Variants in CEP295 observed in about 807,000 individuals in gnomAD.
CEP295 encodes the protein centrosomal protein of 295 kDa.
A neutral mutation model predicts 291.6 loss-of-function variants in CEP295; 190 were observed. The observed-to-expected ratio is 0.65, with a 90% confidence interval of 0.58 to 0.73. The LOEUF (loss-of-function observed/expected upper bound fraction) is 0.73, where lower values mean the gene tolerates loss of function less well. CEP295 is among the 30% of genes least tolerant of loss of function. The pLI is 0.00. For missense variants in CEP295, 2,863 were observed against 2,949.4 expected (o/e 0.97, Z 0.68); for synonymous variants, 993 against 1,038.8 (o/e 0.96, Z 0.85).
Position 93,699,478 on chromosome 11 carries a change from A to G in CEP295, c.4566A>G (p.Ile1522Met). 1 of 1,551,776 alleles carries G rather than the reference A, an allele frequency of 6.4e-7. No homozygotes were observed. The change falls in exon 15 of 30, where the codon ATA (isoleucine) becomes ATG (methionine). Residue 1522 changes from isoleucine (I) to methionine (M), a missense_variant. This residue lies in a region of CEP295 where 2,295 missense variants were observed against 2,335.7 expected (regional missense o/e 0.98). Coordinates refer to ENST00000325212, the MANE Select transcript of CEP295 (RefSeq NM_033395.2). ...LDTQKKAIRS[I>M]QEVQEELLLQ... The stretch of plus-strand genomic sequence containing the variant: ...CACAGAAGAAAGCCATTCGATCTAT[A>G]CAGGAAGTCCAAGAAGAATTGCTTT...
chr11:93,698,338 C>T lies in CEP295; in HGVS notation c.3426C>T (p.Ile1142=). Residue 1142 remains isoleucine (I), a synonymous_variant, in exon 15 of 30, where the codon ATC becomes ATT. Transcript: ENST00000325212. ...ENVGPSCHLI[I]PTFQDKSLSF... ...TAGGTCCCTCCTGTCATTTGATAATCCCAACATTTCAGGATAAGTCTCTTA... is the reference window on the plus strand; with the variant it reads ...TAGGTCCCTCCTGTCATTTGATAATTCCAACATTTCAGGATAAGTCTCTTA... The T allele has an allele frequency of 1.3e-6, 2 of 1,552,076 alleles. No individual in the cohort carries two copies. Among genetic ancestry groups the T allele is most frequent in the Non-Finnish European group, 1.7e-6 (2 of 1,147,044 alleles).
chr11:93,695,399 C>G (rs1207096057), intron 12 of CEP295, 98 bp from the exon 13 acceptor site: 1 of 760,272 alleles, frequency 1.3e-6, no homozygotes, highest in Non-Finnish European at 1.9e-6. Context: ...AATTGGTACC[C>G]TTGGTGAAGA....
Position 93,706,869 on chromosome 11 carries a change from T to C in CEP295, c.5721T>C (p.Asn1907=), listed in dbSNP as rs1251459409. The stretch of plus-strand genomic sequence containing the variant: ...GTCTTCAACTGGTTGGCCAAGAGAA[T>C]GTCTGTGGTGATGACTATGATGAAG... ...FSCLQLVGQE[N]VCGDDYDEAV... Residue 1907 remains asparagine (N), a synonymous_variant, in exon 18 of 30, where the codon AAT becomes AAC. Transcript: ENST00000325212. The C allele has an allele frequency of 1.4e-5, 22 of 1,546,100 alleles. No homozygotes were observed. The highest frequency in any genetic ancestry group is 1.6e-5 in the Non-Finnish European group (18 of 1,144,130).
intron 5 of CEP295, among the ~76,000 whole-genome samples, chr11:93,671,516 T>C (rs1238194977): frequency 6.6e-6 from 1 of 152,216 alleles, no homozygotes; most frequent in East Asian, 1.9e-4. Flanking sequence ...CTGTCCCGTA[T>C]CTGGTATCTC....
chr11:93,703,109 G>A (rs6483261), intron 17 of CEP295, among the ~76,000 whole-genome samples, 190 bp downstream of exon 17: 59,062 of 151,610 alleles, frequency 0.39, 13,051 homozygotes, highest in Non-Finnish European at 0.49. Flanking sequence ...GATTACAGGC[G>A]CCCGCCACCA....
rs150870115 is a variant in CEP295 at position 93,662,233 on chromosome 11, C to G, written c.-27+459C>G. On this transcript the variant is annotated intron_variant, in intron 1 of 29. Coordinates refer to ENST00000325212, the MANE Select transcript of CEP295 (RefSeq NM_033395.2). ...TTATTCAATCCTGTCACAAACTCAACTTTTAAAACAATGGTGAACTTTTGA... is the reference window on the plus strand; with the variant it reads ...TTATTCAATCCTGTCACAAACTCAAGTTTTAAAACAATGGTGAACTTTTGA... Among the ~76,000 whole-genome samples the G allele has an allele frequency of 1.9e-4, 29 of 152,370 alleles. No homozygotes were observed. In the East Asian group the frequency reaches 3.9e-3, roughly 20 times the overall value.
Position 93,723,195 on chromosome 11 carries a change from G to A in CEP295, c.6102G>A (p.Val2034=). 6.4e-7 allele frequency: 1 copy of A among 1,551,878 alleles called. No homozygotes were observed. Among genetic ancestry groups the A allele is most frequent in the Non-Finnish European group, 8.7e-7 (1 of 1,146,988 alleles). ...TTCATAAATCTCTGTTGCCTGCAGT[G>A]GATGAAACTACATGTGGTCACACAC... ...SDVHKSLLPA[V]DETTCGHTHF... Residue 2034 remains valine (V), a synonymous_variant, in exon 21 of 30, where the codon GTG becomes GTA. Coordinates refer to ENST00000325212, the MANE Select transcript of CEP295 (RefSeq NM_033395.2).
At chr11:93,702,082 C>T (rs2135146826) in intron 15 of CEP295, among the ~76,000 whole-genome samples, 1 of 152,220 alleles carries the variant, frequency 6.6e-6, no homozygotes, top group South Asian at 2.1e-4. Context: ...CCTCAGCCTC[C>T]TAAGTAGCCA....
At chr11:93,686,293 T>G (rs1373191954) in intron 9 of CEP295, among the ~76,000 whole-genome samples, 3 of 148,636 alleles carry the variant, frequency 2.0e-5, no homozygotes, top group Non-Finnish European at 3.0e-5. Context: ...CACTCCAGCC[T>G]GGGCAACAAG....
chr11:93,662,760 ATGAT>A (rs2134738228), intron 1 of CEP295, among the ~76,000 whole-genome samples: 1 of 152,350 alleles, frequency 6.6e-6, no homozygotes, highest in African/African-American at 2.4e-5. Flanking sequence ...GGGCAAAAGT[ATGAT>A]GAAAAGCATA....
At position 93,699,127 on chromosome 11, in the gene CEP295, C is replaced by T. The variant is rs895583574; in HGVS notation, c.4215C>T (p.Phe1405=). 29 of 1,550,170 alleles carry T rather than the reference C, an allele frequency of 1.9e-5. No homozygotes were observed. Among genetic ancestry groups the T allele is most frequent in the African/African-American group, 2.7e-5 (2 of 73,034 alleles). ...TACCCCTAGTACCACAGCATTCATT[C>T]GCCTCATTACCTCTTAATGAATCTG... The part of the protein sequence containing the change: ...SSLPLVPQHS[F]ASLPLNESER... Residue 1405 remains phenylalanine (F), a synonymous_variant, in exon 15 of 30, where the codon TTC becomes TTT. Transcript: ENST00000325212.
chr11:93,705,779 C>T (rs116671480), intron 17 of CEP295, among the ~76,000 whole-genome samples: 121 of 152,214 alleles, frequency 7.9e-4, no homozygotes, highest in African/African-American at 2.8e-3. Flanking sequence ...TGGAGGTTCT[C>T]TTGGGGTGAG....
intron 18 of CEP295, among the ~76,000 whole-genome samples, chr11:93,716,413 C>G (rs1163312841): frequency 6.6e-6 from 1 of 152,234 alleles, no homozygotes; most frequent in African/African-American, 2.4e-5. Flanking sequence ...TTCAGTGCCT[C>G]TGTCAGCGAT....
At position 93,691,667 on chromosome 11, in the gene CEP295, G is replaced by A; in HGVS notation, c.1337-16G>A. ...TGATTATATATTCAAAATAACAGTGGTATTATCTATTACAGTTGTTGAAAG... is the reference window on the plus strand; with the variant it reads ...TGATTATATATTCAAAATAACAGTGATATTATCTATTACAGTTGTTGAAAG... On this transcript the variant is annotated splice_polypyrimidine_tract_variant and intron_variant, in intron 10 of 29. Transcript: ENST00000325212. 7.0e-7 allele frequency: 1 copy of A among 1,433,510 alleles called. No homozygotes were observed. The allele number at this position is 1,433,510 out of a possible 1,614,324, so 88.8% of individuals were successfully genotyped here. A position where few individuals can be genotyped will look rare whatever the true frequency, so the allele number is the denominator to read the frequency against.
intron 10 of CEP295, among the ~76,000 whole-genome samples, chr11:93,689,246 C>A (rs1489894763): frequency 6.6e-6 from 1 of 152,162 alleles, no homozygotes; most frequent in African/African-American, 2.4e-5. Context: ...CCTCCAGTAA[C>A]TGTCAGTTTC....
intron 18 of CEP295, among the ~76,000 whole-genome samples, chr11:93,713,616 T>G (rs950533335): frequency 5.3e-5 from 8 of 152,198 alleles, no homozygotes; most frequent in African/African-American, 1.4e-4. Flanking sequence ...CCTTTGGGAA[T>G]TTGATTATTA....
At chr11:93,671,601 A>T (rs1184906332) in intron 5 of CEP295, among the ~76,000 whole-genome samples, 2 of 152,108 alleles carry the variant, frequency 1.3e-5, no homozygotes, top group Non-Finnish European at 2.9e-5. Flanking sequence ...TTCTTGTTTC[A>T]CTAAAAGGCA....
chr11:93,667,935 T>C, intron 3 of CEP295, 128 bp downstream of exon 3: 1 of 648,858 alleles, frequency 1.5e-6, no homozygotes. Flanking sequence ...TTGAACTTTT[T>C]TATAAATTTA....
At chr11:93,715,211 T>C (rs1953159467) in intron 18 of CEP295, among the ~76,000 whole-genome samples, 1 of 152,054 alleles carries the variant, frequency 6.6e-6, no homozygotes, top group South Asian at 2.1e-4. Context: ...CAAAGTCCTT[T>C]CCACTGTTCC....
Sources: gnomAD v4.1 joint callset for allele counts (sites outside exome capture counted in the v4.1 genomes callset) on GRCh38, gnomAD v4.1.1 for gene constraint, gnomAD v4.1.1 regional missense constraint, MANE v1.5 for transcripts, NCBI Gene and HGNC (gene_info 2026-07-23, HGNC 2026-07-21) for gene names.